FRAS1: variants seen among roughly 807,000 people sequenced by gnomAD.
FRAS1 encodes Fraser extracellular matrix complex subunit 1.
FRAS1 carries 290 observed loss-of-function variants against 435.2 expected under a neutral mutation model. The ratio of observed to expected loss-of-function variants is 0.67; its 90% CI spans 0.61 to 0.73. FRAS1 has a LOEUF of 0.73. Ranked by LOEUF, FRAS1 falls within the 30% of genes least tolerant of loss-of-function variation. FRAS1 has a pLI of 0.00. For synonymous variants in FRAS1, 1,800 were observed against 1,851.0 expected (o/e 0.97, Z 0.71); for missense variants, 4,860 against 5,001.5 (o/e 0.97, Z 0.85).
intron 56 of FRAS1, among the ~76,000 whole-genome samples, chr4:78,480,234 C>A (rs940875859): frequency 6.6e-6 from 1 of 152,164 alleles, no homozygotes; most frequent in Non-Finnish European, 1.5e-5. Flanking sequence ...CACCATTTCC[C>A]ACCCCCACTA....
At chr4:78,161,873 C>T (rs1195454405) in intron 2 of FRAS1, among the ~76,000 whole-genome samples, 2 of 151,364 alleles carry the variant, frequency 1.3e-5, no homozygotes, top group African/African-American at 4.9e-5. Context: ...GACTTCTCTT[C>T]GCCATCCACC....
In FRAS1 at chr4:78,450,262, T is replaced by C; in HGVS notation, c.6386T>C (p.Met2129Thr). The change falls in exon 45 of 74, where the codon ATG (methionine) becomes ACG (threonine). Residue 2129 changes from methionine (M) to threonine (T), a missense_variant. Transcript: ENST00000512123. ...GATCCTGGTGCAGGGCGCCTGCAGA[T>C]GATGAAGCATGGCAACCTGGAGCAA... ...KEDPGAGRLQ[M>T]MKHGNLEQIS... is the part of the protein sequence containing the mutation. 6.2e-7 allele frequency: 1 copy of C among 1,613,890 alleles called. No homozygotes were observed. Among genetic ancestry groups the C allele is most frequent in the Non-Finnish European group, 8.5e-7 (1 of 1,179,812 alleles).
In FRAS1 at chr4:78,543,963, T is replaced by A. The variant is rs1481749153; in HGVS notation, c.*2839T>A. 6.6e-6 allele frequency: 1 copy of A among 152,606 alleles called. No homozygotes were observed. The highest frequency in any genetic ancestry group is 2.4e-5 in the African/African-American group (1 of 41,446). 9.5% of individuals were successfully genotyped at this position (152,606 alleles called of 1,614,324 possible). ...TCTGTACCATTCTGCTTTGCTGCCC[T>A]TTTATTGTACCCCAGGCCTCCTAGA... On this transcript the variant is annotated 3_prime_UTR_variant, in exon 74 of 74. Coordinates refer to ENST00000512123, the MANE Select transcript of FRAS1 (RefSeq NM_025074.7).
intron 2 of FRAS1, among the ~76,000 whole-genome samples, chr4:78,119,952 C>T (rs931012664): frequency 3.3e-5 from 5 of 152,168 alleles, no homozygotes; most frequent in African/African-American, 1.2e-4. Flanking sequence ...GCAAGGGGAA[C>T]TCCTCCTCTC....
At chr4:78,159,162 A>G (rs1721025449) in intron 2 of FRAS1, among the ~76,000 whole-genome samples, 1 of 152,182 alleles carries the variant, frequency 6.6e-6, no homozygotes. Context: ...GAAAGAAAGT[A>G]CAGCACTCAA....
chr4:78,451,075 G>A (rs1290913081), intron 45 of FRAS1, among the ~76,000 whole-genome samples: 2 of 151,580 alleles, frequency 1.3e-5, no homozygotes, highest in Non-Finnish European at 2.9e-5. Flanking sequence ...AAGGGGAGTG[G>A]AAGAGGCAAA....
rs1734521727 is a variant in FRAS1, at chr4:78,438,607, TA to T, written c.5258del (p.Asn1753IlefsTer10). The T allele has an allele frequency of 6.2e-7, 1 of 1,613,780 alleles. No individual in the cohort carries two copies. The highest frequency in any genetic ancestry group is 1.1e-5 in the South Asian group (1 of 91,052). The part of the protein sequence containing the change: ...SSPDPEIWIQ[L>X]NYLPSYGTLL... ...CCCGACCCAGAGATCTGGATTCAGT[TA>T]AATTATCTGCCCTCATATGGTACTC... On this transcript the variant is annotated frameshift_variant, in exon 39 of 74. Coordinates refer to ENST00000512123, the MANE Select transcript of FRAS1 (RefSeq NM_025074.7). LOFTEE classifies it high-confidence loss of function.
intron 63 of FRAS1, among the ~76,000 whole-genome samples, chr4:78,510,485 T>C (rs1720997670): frequency 6.6e-6 from 1 of 152,238 alleles, no homozygotes; most frequent in Admixed American, 6.5e-5. Context: ...TTAATGGACT[T>C]CAGTGAAAAT....
chr4:78,092,853 T>A (rs1741603320), intron 2 of FRAS1, among the ~76,000 whole-genome samples: 1 of 152,184 alleles, frequency 6.6e-6, no homozygotes. Flanking sequence ...TCAGAGTAAC[T>A]CCTGCAAATC....
intron 43 of FRAS1, 40 bp from the exon 44 acceptor site, chr4:78,448,012 TA>T: frequency 6.7e-7 from 1 of 1,503,184 alleles, no homozygotes; most frequent in Non-Finnish European, 9.0e-7. Flanking sequence ...TATATATGTG[TA>T]TTCTACCATT....
At chr4:78,146,505 A>G (rs1180588198) in intron 2 of FRAS1, among the ~76,000 whole-genome samples, 1 of 151,936 alleles carries the variant, frequency 6.6e-6, no homozygotes, top group East Asian at 1.9e-4. Context: ...TTTTTATTAT[A>G]GAAAATTATA....
chr4:78,228,529 T>C (rs200599971), intron 2 of FRAS1, among the ~76,000 whole-genome samples: 2 of 152,190 alleles, frequency 1.3e-5, no homozygotes, highest in East Asian at 3.8e-4. Context: ...ATTTTCTGGG[T>C]ATTTTATTTT....
At chr4:78,178,147 C>A (rs1721852628) in intron 2 of FRAS1, among the ~76,000 whole-genome samples, 1 of 152,106 alleles carries the variant, frequency 6.6e-6, no homozygotes, top group Non-Finnish European at 1.5e-5. Context: ...CTGTCTCTGT[C>A]TTCTTGTGGC....
chr4:78,387,305 C>T (rs1732253392), intron 28 of FRAS1, 70 bp from the exon 29 acceptor site: 2 of 1,108,288 alleles, frequency 1.8e-6, no homozygotes, highest in African/African-American at 1.6e-5. Context: ...GAATAACAAT[C>T]AGGTATCTAG....
intron 25 of FRAS1, among the ~76,000 whole-genome samples, chr4:78,374,563 C>T (rs1578282779): frequency 6.6e-6 from 1 of 152,302 alleles, no homozygotes; most frequent in South Asian, 2.1e-4. Context: ...AAGAGTGGAT[C>T]AGCCCTGTTG....
In FRAS1 at chr4:78,286,478, G is replaced by A. The variant is rs777000510; in HGVS notation, c.1473G>A (p.Arg491=). The A allele has an allele frequency of 1.9e-6, 3 of 1,613,634 alleles. No homozygotes were observed. The highest frequency in any genetic ancestry group is 2.2e-5 in the South Asian group (2 of 91,072). The change falls in exon 14 of 74, where the codon CGG becomes CGA. Residue 491 remains arginine, a synonymous_variant. Transcript: ENST00000512123. ...CSSCQPPLLM[R]HGQCVPTCGD... ...CCTGCCAGCCTCCCCTGCTGATGCGGCACGGGCAGTGTGTGCCTACCTGTG... is the reference window on the plus strand; with the variant it reads ...CCTGCCAGCCTCCCCTGCTGATGCGACACGGGCAGTGTGTGCCTACCTGTG...
intron 9 of FRAS1, among the ~76,000 whole-genome samples, chr4:78,278,185 T>G (rs1727155846): frequency 1.3e-5 from 2 of 152,234 alleles, no homozygotes; most frequent in South Asian, 4.1e-4. Flanking sequence ...AGTTTTCTAC[T>G]GCTTAATTTA....
chr4:78,479,385 A>G lies in FRAS1; in HGVS notation c.8110A>G (p.Ser2704Gly), dbSNP rs764289326. ...CATTTGTATTTCAGGAGATGCAAGC[A>G]GCATTGTATCTGCAATTTGCTACAC... ...APIERKGDAS[S>G]IVSAICYTVP... The change falls in exon 56 of 74, where the codon AGC becomes GGC. Residue 2704 changes from serine to glycine, a missense_variant. Coordinates refer to ENST00000512123, the MANE Select transcript of FRAS1 (RefSeq NM_025074.7). 2 of 1,480,918 alleles carry G rather than the reference A, an allele frequency of 1.4e-6. No individual in the cohort carries two copies. The highest frequency in any genetic ancestry group is 1.8e-6 in the Non-Finnish European group (2 of 1,112,760). 91.7% of individuals were successfully genotyped at this position (1,480,918 alleles called of 1,614,324 possible).
chr4:78,085,890 T>C (rs999384520), intron 2 of FRAS1, among the ~76,000 whole-genome samples: 7 of 152,002 alleles, frequency 4.6e-5, no homozygotes, highest in Non-Finnish European at 1.0e-4. Flanking sequence ...AACAAGGATA[T>C]CCAGGAATTG....
Sources: allele counts gnomAD v4.1 joint callset (sites outside exome capture counted in the v4.1 genomes callset), GRCh38; gene constraint gnomAD v4.1.1; transcripts MANE v1.5; gene names NCBI Gene and HGNC (gene_info 2026-07-23, HGNC 2026-07-21).